SLC16A1: variants seen among roughly 807,000 people sequenced by gnomAD.
SLC16A1 encodes monocarboxylate transporter 1.
A neutral mutation model predicts 32.2 loss-of-function variants in SLC16A1; 11 were observed. That is an observed-to-expected ratio of 0.34 (90% CI 0.21 to 0.56). The LOEUF (loss-of-function observed/expected upper bound fraction) is 0.56. SLC16A1 is among the 20% of genes least tolerant of loss of function. The probability of loss-of-function intolerance (pLI) is 0.87; values close to 1 mark genes in which losing one functional copy is unlikely to be tolerated. For synonymous variants in SLC16A1, 231 were observed against 226.8 expected (o/e 1.02, Z -0.17); for missense variants, 435 against 615.0 (o/e 0.71, Z 3.10).
rs1222715106 is a variant in SLC16A1 at position 112,929,161 on chromosome 1, T to C, written c.148A>G (p.Ile50Val). Residue 50 changes from isoleucine to valine, a missense_variant, in exon 2 of 5, where the codon ATA becomes GTA. Ile to Val is a conservative substitution (Grantham distance 29). Coordinates refer to ENST00000369626, the MANE Select transcript of SLC16A1 (RefSeq NM_003051.4). ...ACTTCGCTGGTGGTGGCATGGAATATACCTTCAATCTCTTTGAAGAAGACA... is the reference window on the plus strand; with the variant it reads ...ACTTCGCTGGTGGTGGCATGGAATACACCTTCAATCTCTTTGAAGAAGACA... ...ITVFFKEIEG[I>V]FHATTSEVSW... The C allele has an allele frequency of 5.6e-6, 9 of 1,614,016 alleles. No individual in the cohort carries two copies. The highest frequency in any genetic ancestry group is 7.6e-6 in the Non-Finnish European group (9 of 1,180,046).
rs1570615597 is a variant in SLC16A1 at position 112,912,937 on chromosome 1, T to C, written c.*954A>G. 6.6e-6 allele frequency: 1 copy of C among 152,126 alleles called. No individual in the cohort carries two copies. Among genetic ancestry groups the C allele is most frequent in the Non-Finnish European group, 1.5e-5 (1 of 68,016 alleles). The allele number at this position is 152,126 out of a possible 1,614,324, so 9.4% of individuals were successfully genotyped here. A position where few individuals can be genotyped will look rare whatever the true frequency, so the allele number is the denominator to read the frequency against. On this transcript the variant is annotated 3_prime_UTR_variant, in exon 5 of 5. Transcript: ENST00000369626. ...AAATTCCAGGAAAAAAAAATTCCAA[T>C]AGCTTCACAGTTTAACTGAGGTTTT...
chr1:112,918,686 C>T (rs1648605427), intron 3 of SLC16A1, among the ~76,000 whole-genome samples: 1 of 152,136 alleles, frequency 6.6e-6, no homozygotes, highest in African/African-American at 2.4e-5. Flanking sequence ...GCCTGCAGTC[C>T]TAGCTACTTG....
intron 1 of SLC16A1, among the ~76,000 whole-genome samples, chr1:112,940,876 A>G (rs774386873): frequency 1.3e-5 from 2 of 152,214 alleles, no homozygotes; most frequent in Non-Finnish European, 2.9e-5. Flanking sequence ...CGAGTTCTTT[A>G]GACAAAATCA....
chr1:112,938,664 T>C (rs1649393628), intron 1 of SLC16A1, among the ~76,000 whole-genome samples: 1 of 152,210 alleles, frequency 6.6e-6, no homozygotes, highest in Non-Finnish European at 1.5e-5. Context: ...AAGTTAAATA[T>C]ATTATGCTTA....
rs868304120 is a variant in SLC16A1, at chr1:112,913,814, G to A, written c.*77C>T. On this transcript the variant is annotated 3_prime_UTR_variant, in exon 5 of 5. Transcript: ENST00000369626. ...CTACTATTTGCATTGAGCACCACTG[G>A]TAGATTACAGGCCAGTAGAATATTT... The A allele has an allele frequency of 3.2e-5, 49 of 1,532,636 alleles. 1 individual carries two copies. The Middle Eastern group carries it at 2.7e-3, about 85-fold the overall frequency. The allele number at this position is 1,532,636 out of a possible 1,614,324, so 94.9% of individuals were successfully genotyped here. A position where few individuals can be genotyped will look rare whatever the true frequency, so the allele number is the denominator to read the frequency against.
In SLC16A1 at chr1:112,917,631, T is replaced by G. The variant is rs760933842; in HGVS notation, c.775A>C (p.Thr259Pro). The change falls in exon 4 of 5, where the codon ACC becomes CCC. Residue 259 changes from threonine to proline, a missense_variant. By Grantham distance (38) the Thr-to-Pro change is conservative. Transcript: ENST00000369626. The surrounding 1 kb of genome is among the most constrained non-coding windows in gnomAD (Gnocchi z 4.1). ...AGGTATAGCAAAAAGCCTCTGTGGG[T>G]GAATAGGGTTAAGTCCAGGAACTGA... ...INQFLDLTLFTHRGFLLYLSG... is the reference protein window; with the variant it reads ...INQFLDLTLFPHRGFLLYLSG... The G allele has an allele frequency of 6.2e-7, 1 of 1,614,066 alleles. No homozygotes were observed. Among genetic ancestry groups the G allele is most frequent in the South Asian group, 1.1e-5 (1 of 91,074 alleles).
intron 3 of SLC16A1, among the ~76,000 whole-genome samples, 156 bp downstream of exon 3, chr1:112,921,834 C>G (rs1213186132): frequency 6.6e-6 from 1 of 152,134 alleles, no homozygotes; most frequent in East Asian, 1.9e-4. Flanking sequence ...TAAAAGTTTG[C>G]TTTTCTAGTA....
chr1:112,937,006 G>A (rs1284714913), intron 1 of SLC16A1, among the ~76,000 whole-genome samples: 1 of 152,176 alleles, frequency 6.6e-6, no homozygotes, highest in Admixed American at 6.5e-5. Flanking sequence ...AACAGCAACA[G>A]CCTGAATTCT....
chr1:112,920,501 G>C (rs1570622493), intron 3 of SLC16A1, among the ~76,000 whole-genome samples: 1 of 152,174 alleles, frequency 6.6e-6, no homozygotes, highest in East Asian at 1.9e-4. Flanking sequence ...GGCTACTTGG[G>C]AGGCTGCGGC....
At chr1:112,951,554 T>C (rs1040760795) in intron 1 of SLC16A1, among the ~76,000 whole-genome samples, 3 of 152,146 alleles carry the variant, frequency 2.0e-5, no homozygotes, top group African/African-American at 7.2e-5. Context: ...CTTTTATAGC[T>C]AAAGATTTGG....
chr1:112,928,017 A>G (rs1472616801), intron 2 of SLC16A1, among the ~76,000 whole-genome samples: 1 of 152,166 alleles, frequency 6.6e-6, no homozygotes, highest in Non-Finnish European at 1.5e-5. Context: ...CTAATGCCCA[A>G]AGTCCATTTT....
chr1:112,924,090 G>C lies in SLC16A1; in HGVS notation c.218-1957C>G, dbSNP rs1648845909. 2.3e-6 allele frequency: 3 copies of C among 1,309,876 alleles called. No homozygotes were observed. The South Asian group carries it at 3.5e-5, about 15-fold the overall frequency. The allele number at this position is 1,309,876 out of a possible 1,614,324, so 81.1% of individuals were successfully genotyped here. ...GCACCACTTCGATGGCATTGCCCTG[G>C]TAGAGAAGGCCCTGCAGGCCGCGTA... On this transcript the variant is annotated intron_variant, in intron 2 of 4. Coordinates refer to ENST00000369626, the MANE Select transcript of SLC16A1 (RefSeq NM_003051.4).
intron 1 of SLC16A1, among the ~76,000 whole-genome samples, chr1:112,953,153 CTTTTTTTTTTT>C (rs55766100): frequency 7.7e-6 from 1 of 130,196 alleles, no homozygotes; most frequent in Admixed American, 8.3e-5. Context: ...ACTGAAAATC[CTTTTTTTTTTT>C]TTTTTTTTGA....
At chr1:112,949,524 G>A (rs1191087803) in intron 1 of SLC16A1, among the ~76,000 whole-genome samples, 8 of 152,176 alleles carry the variant, frequency 5.3e-5, no homozygotes, top group Admixed American at 1.3e-4. Context: ...TGTGACATCA[G>A]CATCTGTGTG....
chr1:112,949,875 G>A (rs1326145626), intron 1 of SLC16A1, among the ~76,000 whole-genome samples: 1 of 152,068 alleles, frequency 6.6e-6, no homozygotes, highest in Non-Finnish European at 1.5e-5. Flanking sequence ...AAAATGCAAA[G>A]ATAGAACTGT....
intron 1 of SLC16A1, among the ~76,000 whole-genome samples, chr1:112,949,900 T>C (rs1371528354): frequency 6.6e-6 from 1 of 152,180 alleles, no homozygotes; most frequent in Non-Finnish European, 1.5e-5. Flanking sequence ...ATACTTTAAT[T>C]GCAATTAACA....
rs1310076510 is a variant in SLC16A1, at chr1:112,913,059, G to T, written c.*832C>A. On this transcript the variant is annotated 3_prime_UTR_variant, in exon 5 of 5. Transcript: ENST00000369626. ...CAAGGAGGCACAAATATGTAGTTCT[G>T]TAGATTTTAATACTAACTTTTCCAG... 1 of 152,210 alleles carries T rather than the reference G, an allele frequency of 6.6e-6. No individual in the cohort carries two copies. Among genetic ancestry groups the T allele is most frequent in the Non-Finnish European group, 1.5e-5 (1 of 68,042 alleles). 9.4% of individuals were successfully genotyped at this position (152,210 alleles called of 1,614,324 possible).
chr1:112,918,777 T>G lies in SLC16A1; in HGVS notation c.362-733A>C, dbSNP rs113047679. 1.2e-3 allele frequency among the ~76,000 whole-genome samples: 187 copies of G among 152,276 alleles called. 1 individual carries two copies. Among genetic ancestry groups the G allele is most frequent in the African/African-American group, 4.3e-3 (177 of 41,566 alleles). On this transcript the variant is annotated intron_variant, in intron 3 of 4. Transcript: ENST00000369626. ...ATGATCACACAACTGCACTCCATCCTGGGCTACAGAGAAAGAACCTGTCTC... is the reference window on the plus strand; with the variant it reads ...ATGATCACACAACTGCACTCCATCCGGGGCTACAGAGAAAGAACCTGTCTC...
At chr1:112,930,990 A>G (rs1649109146) in intron 1 of SLC16A1, among the ~76,000 whole-genome samples, 1 of 152,154 alleles carries the variant, frequency 6.6e-6, no homozygotes, top group South Asian at 2.1e-4. Flanking sequence ...AAGTGCTGGG[A>G]TTACAGGCAT....
Sources: allele counts gnomAD v4.1 joint callset (sites outside exome capture counted in the v4.1 genomes callset), GRCh38; gene constraint gnomAD v4.1.1; non-coding constraint Gnocchi (gnomAD v3.1); transcripts MANE v1.5; gene names NCBI Gene and HGNC (gene_info 2026-07-23, HGNC 2026-07-21).